The following BRAT1 variants were observed in gnomAD, a reference collection of about 807,000 sequenced individuals.
The protein encoded by BRAT1 is BRCA1 associated ATM activator 1.
In BRAT1, 74 loss-of-function variants were observed where a neutral mutation model predicts 70.6. The observed-to-expected ratio is 1.05, with a 90% CI of 0.87 to 1.27. The LOEUF (loss-of-function observed/expected upper bound fraction) is 1.27. Ranked by LOEUF, BRAT1 falls within the 50% of genes most tolerant of loss-of-function variation. The pLI, the probability that BRAT1 is intolerant of heterozygous loss-of-function variation, is 0.00. For synonymous variants in BRAT1, 615 were observed against 517.1 expected (o/e 1.19, Z -2.57); for missense variants, 1,203 against 1,098.2 (o/e 1.10, Z -1.35).
At chr7:2,550,163 CA>C (rs1174781452) in intron 2 of BRAT1, among the ~76,000 whole-genome samples, 5 of 109,324 alleles carry the variant, frequency 4.6e-5, no homozygotes, top group Non-Finnish European at 7.5e-5. Flanking sequence ...ACCCTGTCTC[CA>C]AAAAAAAAAG....
intron 4 of BRAT1, chr7:2,544,220 T>TTTTTG (rs56191016): frequency 2.8e-6 from 1 of 362,650 alleles, no homozygotes; most frequent in African/African-American, 2.1e-5. Flanking sequence ...TTTTTTTTTT[T>TTTTTG]GAGACAGAGT....
Position 2,555,518 on chromosome 7 carries a change from C to T in BRAT1, c.-48G>A, listed in dbSNP as rs1043973076. The T allele has an allele frequency of 2.0e-5, 3 of 152,334 alleles. No homozygotes were observed. Among genetic ancestry groups the T allele is most frequent in the African/African-American group, 4.8e-5 (2 of 41,458 alleles). 9.4% of individuals were successfully genotyped at this position (152,334 alleles called of 1,614,324 possible). ...GTTGCGTCCTCCGCCGCAACCACCC[C>T]TCGCCCAAGGCTCCGCCTCCGGACA... On this transcript the variant is annotated 5_prime_UTR_variant, in exon 1 of 14. Coordinates refer to ENST00000340611, the MANE Select transcript of BRAT1 (RefSeq NM_152743.4).
rs1256275334 is a variant in BRAT1 at position 2,538,561 on chromosome 7, G to C, written c.1974C>G (p.Ala658=). ...CCAAAGTCTGGCCCAGGAACACGAG[G>C]GCCAGCTCCAGGCCCTGGGCGCGGA... The part of the protein sequence containing the change: ...WEVRAQGLEL[A]LVFLGQTLGP... The change falls in exon 14 of 14, where the codon GCC becomes GCG. Residue 658 remains alanine (A), a synonymous_variant. Transcript: ENST00000340611. 6.2e-7 allele frequency: 1 copy of C among 1,600,332 alleles called. No homozygotes were observed. Among genetic ancestry groups the C allele is most frequent in the East Asian group, 2.2e-5 (1 of 44,746 alleles).
At chr7:2,540,700 C>T in intron 10 of BRAT1, 1 of 385,980 alleles carries the variant, frequency 2.6e-6, no homozygotes, top group Non-Finnish European at 4.6e-6. Context: ...TTGGTGCCAC[C>T]TCATTTCCCT....
At position 2,555,260 on chromosome 7, in the gene BRAT1, G is replaced by A. The variant is rs556729688; in HGVS notation, c.-17+227C>T. Among the ~76,000 whole-genome samples, 7 of 152,246 alleles carry A rather than the reference G, an allele frequency of 4.6e-5. No homozygotes were observed. In the South Asian group the frequency reaches 1.2e-3, roughly 27 times the overall value. ...GCCCGGGAAGGCTGCGTCCCGGGAA[G>A]AGGAACCCTCCCCACACTTTGAAGT... On this transcript the variant is annotated intron_variant, in intron 1 of 13. Coordinates refer to ENST00000340611, the MANE Select transcript of BRAT1 (RefSeq NM_152743.4).
At position 2,538,751 on chromosome 7, in the gene BRAT1, T is replaced by A. The variant is rs772479535; in HGVS notation, c.1784A>T (p.Glu595Val). ...HAEARQSLFL[E>V]LLHILSVDSE... ...GTCTACGGAGAGGATGTGCAGGAGC[T>A]CCAGGAACAGGCTCTGGGGGACAGG... Residue 595 changes from glutamate to valine, a missense_variant, in exon 14 of 14, where the codon GAG (glutamate) becomes GTG (valine). Glu to Val is a moderately radical substitution (Grantham distance 121). Transcript: ENST00000340611. 1 of 1,598,334 alleles carries A rather than the reference T, an allele frequency of 6.3e-7. No individual in the cohort carries two copies. The highest frequency in any genetic ancestry group is 8.5e-7 in the Non-Finnish European group (1 of 1,179,858).
chr7:2,544,833 A>AT, intron 4 of BRAT1, 76 bp downstream of exon 4: 1 of 1,520,912 alleles, frequency 6.6e-7, no homozygotes, highest in Admixed American at 2.1e-5. Context: ...AGACACTCAG[A>AT]TTCAGCAAGG....
intron 1 of BRAT1, among the ~76,000 whole-genome samples, chr7:2,554,689 G>A (rs1780282619): frequency 6.6e-6 from 1 of 152,226 alleles, no homozygotes; most frequent in South Asian, 2.1e-4. Flanking sequence ...GGGTCTAGCT[G>A]AAACCACAAG....
chr7:2,553,890 G>C (rs1014719305), intron 2 of BRAT1, among the ~76,000 whole-genome samples: 1 of 150,946 alleles, frequency 6.6e-6, no homozygotes, highest in Admixed American at 6.6e-5. Context: ...TAAGCAATCC[G>C]CTCGCCTCAG....
At chr7:2,553,271 C>T (rs1780171349) in intron 2 of BRAT1, among the ~76,000 whole-genome samples, 1 of 151,828 alleles carries the variant, frequency 6.6e-6, no homozygotes, top group Non-Finnish European at 1.5e-5. Context: ...CTTCAAGTGA[C>T]CTACCCGCCT....
In BRAT1 at chr7:2,541,757, C is replaced by T. The variant is rs951608747; in HGVS notation, c.1095G>A (p.Leu365=). ...CCTCCAGGTGAGCCAGGGTGCGGCA[C>T]AGGAGGCCGGCGCAGGACGACTTGG... ...LASKSSCAGL[L]CRTLAHLEEL... The change falls in exon 8 of 14, where the codon CTG becomes CTA. Residue 365 remains leucine, a synonymous_variant. Transcript: ENST00000340611. 1 of 1,611,882 alleles carries T rather than the reference C, an allele frequency of 6.2e-7. No homozygotes were observed. Among genetic ancestry groups the T allele is most frequent in the Non-Finnish European group, 8.5e-7 (1 of 1,179,672 alleles).
In BRAT1 at chr7:2,543,783, C is replaced by G. The variant is rs1007801839; in HGVS notation, c.610G>C (p.Glu204Gln). 1 of 1,612,712 alleles carries G rather than the reference C, an allele frequency of 6.2e-7. No homozygotes were observed. The highest frequency in any genetic ancestry group is 8.5e-7 in the Non-Finnish European group (1 of 1,179,670). ...CAQKIMDHVE[E>Q]SLCSAATPKV... ...GGGGTGGCCGCGGAGCACAAGGACT[C>G]TTCAACGTGATCCATGATCTTCTGG... The change falls in exon 5 of 14, where the codon GAG becomes CAG. Residue 204 changes from glutamate to glutamine, a missense_variant. By Grantham distance (29) the Glu-to-Gln change is conservative. Transcript: ENST00000340611. The surrounding 1 kb of genome is among the most constrained non-coding windows in gnomAD (Gnocchi z 5.5).
chr7:2,552,434 G>C (rs1188991202), intron 2 of BRAT1, among the ~76,000 whole-genome samples: 4 of 150,382 alleles, frequency 2.7e-5, no homozygotes, highest in African/African-American at 7.4e-5. Flanking sequence ...ATATATATTA[G>C]AAAACAAGGA....
intron 1 of BRAT1, among the ~76,000 whole-genome samples, chr7:2,555,280 T>C (rs908817833): frequency 2.6e-5 from 4 of 151,932 alleles, no homozygotes; most frequent in African/African-American, 9.7e-5. Flanking sequence ...CCCCACACTT[T>C]GAAGTCAGTT....
At chr7:2,539,396 C>T (rs112426186) in intron 12 of BRAT1, 45 bp from the exon 13 acceptor site, 4 of 1,567,844 alleles carry the variant, frequency 2.6e-6, no homozygotes, top group Non-Finnish European at 2.6e-6. Context: ...GAGGGCCGAG[C>T]CTTGTCGCCT....
chr7:2,554,120 G>A (rs1172837655), intron 2 of BRAT1, among the ~76,000 whole-genome samples, 185 bp downstream of exon 2: 3 of 152,106 alleles, frequency 2.0e-5, no homozygotes, highest in African/African-American at 7.2e-5. Flanking sequence ...TCATTCTCTC[G>A]GGCTTCATCT....
At chr7:2,545,638 C>T (rs1042588767) in intron 3 of BRAT1, among the ~76,000 whole-genome samples, 3 of 151,790 alleles carry the variant, frequency 2.0e-5, no homozygotes, top group African/African-American at 7.3e-5. Flanking sequence ...TACAGGTGCC[C>T]ACCACCACAC....
rs1269745677 is a variant in BRAT1, at chr7:2,543,983, G to C, written c.431-21C>G. On this transcript the variant is annotated intron_variant, in intron 4 of 13. Transcript: ENST00000340611. The surrounding 1 kb of genome is among the most constrained non-coding windows in gnomAD (Gnocchi z 5.5). ...CGCACCTGGGTAGGGGATGGGGGAA[G>C]AGAGGGAAAAGGGGGTGAGCCAGAA... 3.9e-6 allele frequency: 6 copies of C among 1,537,514 alleles called. No individual in the cohort carries two copies. The highest frequency in any genetic ancestry group is 5.3e-6 in the Non-Finnish European group (6 of 1,135,966).
intron 10 of BRAT1, 156 bp from the exon 11 acceptor site, chr7:2,540,044 A>G: frequency 1.7e-6 from 1 of 579,888 alleles, no homozygotes; most frequent in Admixed American, 3.5e-5. Context: ...CTTCTTTTTT[A>G]GAGACAGGGT....
Sources: allele counts gnomAD v4.1 joint callset (sites outside exome capture counted in the v4.1 genomes callset), GRCh38; gene constraint gnomAD v4.1.1; non-coding constraint Gnocchi (gnomAD v3.1); transcripts MANE v1.5; gene names NCBI Gene and HGNC (gene_info 2026-07-23, HGNC 2026-07-21).